NCKAP5: variants seen among roughly 807,000 people sequenced by gnomAD.
The protein encoded by NCKAP5 is NCK associated protein 5, also known as nck-associated protein 5.
In NCKAP5, 92 loss-of-function variants were observed where a neutral mutation model predicts 167.0. The observed-to-expected ratio is 0.55, with a 90% CI of 0.47 to 0.66. The LOEUF (loss-of-function observed/expected upper bound fraction) is 0.66, where lower values mean the gene tolerates loss of function less well. NCKAP5 is among the 30% of genes least tolerant of loss of function. The pLI is 0.00. For missense variants in NCKAP5, 2,378 were observed against 2,315.0 expected (o/e 1.03, Z -0.56); for synonymous variants, 891 against 877.4 (o/e 1.02, Z -0.27).
At chr2:133,009,932 G>C (rs113245737) in intron 6 of NCKAP5, among the ~76,000 whole-genome samples, 6 of 151,956 alleles carry the variant, frequency 3.9e-5, no homozygotes, top group African/African-American at 1.5e-4. Context: ...TTAGCAGGGC[G>C]TGGTGGCGGG....
intron 8 of NCKAP5, among the ~76,000 whole-genome samples, chr2:132,953,292 C>T (rs1283174302): frequency 6.6e-6 from 1 of 152,154 alleles, no homozygotes; most frequent in African/African-American, 2.4e-5. Flanking sequence ...CTTCATTTTA[C>T]CATCTTTGCC....
intron 3 of NCKAP5, among the ~76,000 whole-genome samples, chr2:133,376,375 T>A (rs896774588): frequency 6.6e-6 from 1 of 152,194 alleles, no homozygotes; most frequent in African/African-American, 2.4e-5. Context: ...ACAAGGAATC[T>A]GGGAATCATC....
chr2:133,420,109 T>C (rs1262737545), intron 3 of NCKAP5, among the ~76,000 whole-genome samples: 1 of 152,234 alleles, frequency 6.6e-6, no homozygotes, highest in Non-Finnish European at 1.5e-5. Context: ...TAAGAGAATC[T>C]ATTAGTTTTA....
intron 6 of NCKAP5, among the ~76,000 whole-genome samples, chr2:133,021,932 A>G (rs1294607138): frequency 6.6e-6 from 1 of 152,164 alleles, no homozygotes; most frequent in Non-Finnish European, 1.5e-5. Flanking sequence ...TACCCAGCCT[A>G]AACTCTAGTT....
intron 6 of NCKAP5, among the ~76,000 whole-genome samples, chr2:133,087,836 T>G (rs1208597201): frequency 6.6e-6 from 1 of 152,200 alleles, no homozygotes; most frequent in African/African-American, 2.4e-5. Flanking sequence ...CTTCACTGCT[T>G]TTCACAACAA....
chr2:133,240,918 C>T (rs926860021), intron 4 of NCKAP5, among the ~76,000 whole-genome samples: 1 of 152,180 alleles, frequency 6.6e-6, no homozygotes, highest in Non-Finnish European at 1.5e-5. Flanking sequence ...TTCTTGCATT[C>T]ACCCTCCTCC....
chr2:133,115,754 T>C (rs1414838978), intron 6 of NCKAP5, among the ~76,000 whole-genome samples: 2 of 138,102 alleles, frequency 1.4e-5, no homozygotes, highest in African/African-American at 2.7e-5. Flanking sequence ...TGGAGGTAAA[T>C]TGAAGTATAT....
intron 8 of NCKAP5, among the ~76,000 whole-genome samples, chr2:132,950,991 T>C (rs1177555877): frequency 6.6e-6 from 1 of 152,184 alleles, no homozygotes; most frequent in African/African-American, 2.4e-5. Context: ...TGATTACAAA[T>C]GAGACAAAGG....
At chr2:132,887,070 T>C (rs1692285203) in intron 8 of NCKAP5, among the ~76,000 whole-genome samples, 1 of 152,194 alleles carries the variant, frequency 6.6e-6, no homozygotes, top group African/African-American at 2.4e-5. Flanking sequence ...ATTTCTCCAC[T>C]ATAAAATTAT....
chr2:132,918,803 G>A (rs1224083916), intron 8 of NCKAP5, among the ~76,000 whole-genome samples: 1 of 152,182 alleles, frequency 6.6e-6, no homozygotes, highest in Admixed American at 6.5e-5. Context: ...TTTAGAAATA[G>A]CCATGAAAAG....
chr2:132,843,247 C>T (rs1179275090), intron 11 of NCKAP5, among the ~76,000 whole-genome samples: 1 of 151,930 alleles, frequency 6.6e-6, no homozygotes, highest in African/African-American at 2.4e-5. Context: ...TCTTTACGTT[C>T]CTATTATTTA....
chr2:133,661,195 AAGAG>A, the NCKAP5 span, among the ~76,000 whole-genome samples: 1 of 152,078 alleles, frequency 6.6e-6, no homozygotes. Flanking sequence ...AAGAAGATGA[AAGAG>A]AGATGTTTGC....
chr2:133,162,483 G>T (rs2083834240), intron 5 of NCKAP5, among the ~76,000 whole-genome samples: 1 of 152,102 alleles, frequency 6.6e-6, no homozygotes. Context: ...TTTGAAAAAA[G>T]AAGTTGAACA....
chr2:133,405,882 T>C (rs1688395189), intron 3 of NCKAP5, among the ~76,000 whole-genome samples: 1 of 152,238 alleles, frequency 6.6e-6, no homozygotes, highest in African/African-American at 2.4e-5. Context: ...AGGCACTCAA[T>C]ACATAGTTGG....
At chr2:133,299,039 A>AAAATAAATAAAT (rs370598080) in intron 4 of NCKAP5, among the ~76,000 whole-genome samples, 126 of 151,676 alleles carry the variant, frequency 8.3e-4, no homozygotes, top group African/African-American at 2.9e-3. Context: ...TAAAAAAATA[A>AAAATAAATAAAT]AAATAAATAA....
chr2:133,415,608 G>T (rs986602309), intron 3 of NCKAP5, among the ~76,000 whole-genome samples: 5 of 152,296 alleles, frequency 3.3e-5, no homozygotes, highest in Admixed American at 2.6e-4. Context: ...AAGTGTGTTT[G>T]GTCACCAGGG....
chr2:133,544,556 G>T (rs1269065421), intron 2 of NCKAP5, among the ~76,000 whole-genome samples: 1 of 152,052 alleles, frequency 6.6e-6, no homozygotes, highest in Non-Finnish European at 1.5e-5. Context: ...TGATGACTCG[G>T]GCTCCATCGT....
intron 3 of NCKAP5, among the ~76,000 whole-genome samples, chr2:133,426,323 A>T (rs575374936): frequency 6.6e-6 from 1 of 152,066 alleles, no homozygotes; most frequent in African/African-American, 2.4e-5. Context: ...AGAACACCTC[A>T]TATCAAAACT....
intron 3 of NCKAP5, among the ~76,000 whole-genome samples, chr2:133,489,130 C>G (rs1417732742): frequency 6.6e-6 from 1 of 152,108 alleles, no homozygotes; most frequent in African/African-American, 2.4e-5. Context: ...TAGTACATCT[C>G]CATTTTGGCA....
Sources: allele counts gnomAD v4.1 joint callset (sites outside exome capture counted in the v4.1 genomes callset), GRCh38; gene constraint gnomAD v4.1.1; transcripts MANE v1.5; gene names NCBI Gene and HGNC (gene_info 2026-07-23, HGNC 2026-07-21).